The following OPCML variants were observed in gnomAD, a reference collection of about 807,000 sequenced individuals.
OPCML encodes the protein opioid-binding protein/cell adhesion molecule.
Under a neutral mutation model 37.8 loss-of-function variants are expected in OPCML, and 13 were observed. That is an observed-to-expected ratio of 0.34 (90% CI 0.22 to 0.55). The LOEUF is 0.55. Among genes scored for constraint, OPCML ranks in the 20% least tolerant of loss-of-function variants. OPCML has a pLI of 0.91. For missense variants in OPCML, 341 were observed against 435.6 expected (o/e 0.78, Z 1.93); for synonymous variants, 176 against 168.8 (o/e 1.04, Z -0.33).
chr11:133,003,433 G>A (rs914358526), intron 1 of OPCML, among the ~76,000 whole-genome samples: 2 of 152,108 alleles, frequency 1.3e-5, no homozygotes, highest in Non-Finnish European at 2.9e-5. Context: ...CATCTGTGCT[G>A]TAAAATACCT....
At chr11:132,661,220 C>G (rs977922786) in intron 2 of OPCML, among the ~76,000 whole-genome samples, 1 of 152,050 alleles carries the variant, frequency 6.6e-6, no homozygotes, top group Non-Finnish European at 1.5e-5. Context: ...TCCTTATGGG[C>G]CTGGAGTAGA....
At chr11:132,597,978 C>A (rs1464414652) in intron 3 of OPCML, among the ~76,000 whole-genome samples, 1 of 151,966 alleles carries the variant, frequency 6.6e-6, no homozygotes, top group African/African-American at 2.4e-5. Flanking sequence ...TTCCACTTTA[C>A]TCATTTCTTT....
chr11:132,962,616 A>C (rs1336446194), intron 1 of OPCML, among the ~76,000 whole-genome samples: 1 of 152,104 alleles, frequency 6.6e-6, no homozygotes, highest in African/African-American at 2.4e-5. Context: ...TATTTCTTCA[A>C]ACACACTCCC....
chr11:132,917,296 CT>C, intron 2 of OPCML, among the ~76,000 whole-genome samples: 1 of 152,260 alleles, frequency 6.6e-6, no homozygotes, highest in Middle Eastern at 3.4e-3. Context: ...TAGCTATGGC[CT>C]TTTTTTATCA....
chr11:133,133,112 G>A (rs532661908), intron 1 of OPCML, among the ~76,000 whole-genome samples: 3 of 152,246 alleles, frequency 2.0e-5, no homozygotes, highest in African/African-American at 7.2e-5. Flanking sequence ...AAAATTCTCT[G>A]CTTTGTTAGG....
chr11:133,090,150 T>C (rs572752647), intron 1 of OPCML, among the ~76,000 whole-genome samples: 1 of 152,118 alleles, frequency 6.6e-6, no homozygotes, highest in Non-Finnish European at 1.5e-5. Context: ...CCTTACTACT[T>C]AGACATGCTT....
At chr11:132,582,406 C>T (rs928815378) in intron 3 of OPCML, among the ~76,000 whole-genome samples, 11 of 152,038 alleles carry the variant, frequency 7.2e-5, no homozygotes, top group East Asian at 3.9e-4. Context: ...AAAATCAAAA[C>T]GCCCACATAG....
chr11:132,839,874 T>C (rs1941214192), intron 2 of OPCML, among the ~76,000 whole-genome samples: 1 of 152,204 alleles, frequency 6.6e-6, no homozygotes, highest in Admixed American at 6.5e-5. Context: ...GTCGACTGCC[T>C]GAGTGGAGGG....
chr11:133,173,011 A>G lies in OPCML; in HGVS notation c.62-230001T>C, dbSNP rs115540068. On this transcript the variant is annotated intron_variant, in intron 1 of 7. Coordinates refer to ENST00000524381, the MANE Select transcript of OPCML (RefSeq NM_001012393.5). The surrounding 1 kb of genome is among the most constrained non-coding windows in gnomAD (Gnocchi z 7.8). ...AACACTTAAAGTTGAATTTTTATGA[A>G]AAGTTACATGGCTTAATAATCAAAC... Among the ~76,000 whole-genome samples the G allele has an allele frequency of 6.6e-6, 1 of 152,218 alleles. No homozygotes were observed. The highest frequency in any genetic ancestry group is 1.5e-5 in the Non-Finnish European group (1 of 68,048).
intron 3 of OPCML, among the ~76,000 whole-genome samples, chr11:132,592,178 G>A (rs2096485548): frequency 6.6e-6 from 1 of 152,206 alleles, no homozygotes; most frequent in African/African-American, 2.4e-5. Flanking sequence ...GTCTAAGTGA[G>A]GAATATTTTC....
chr11:133,483,635 G>C (rs1204158279), intron 1 of OPCML, among the ~76,000 whole-genome samples: 2 of 150,714 alleles, frequency 1.3e-5, no homozygotes, highest in Non-Finnish European at 3.0e-5. Context: ...TAGATATATA[G>C]ATAATAGATT....
intron 3 of OPCML, among the ~76,000 whole-genome samples, chr11:132,558,009 A>G (rs7103400): frequency 0.59 from 79,685 of 135,936 alleles, 21,510 homozygotes; most frequent in African/African-American, 0.7. Flanking sequence ...ACATACACAC[A>G]CGGTGTTACT....
chr11:132,901,353 G>C (rs1218118683), intron 2 of OPCML, among the ~76,000 whole-genome samples: 1 of 152,110 alleles, frequency 6.6e-6, no homozygotes, highest in Non-Finnish European at 1.5e-5. Flanking sequence ...GAACAACACA[G>C]TGTCCTTTTA....
chr11:132,776,259 A>C (rs1035847371), intron 2 of OPCML, among the ~76,000 whole-genome samples: 12 of 152,188 alleles, frequency 7.9e-5, no homozygotes, highest in Non-Finnish European at 1.5e-4. Flanking sequence ...AACATCACCC[A>C]TGGTGGTTTT....
At chr11:132,961,604 G>A in intron 1 of OPCML, among the ~76,000 whole-genome samples, 1 of 152,172 alleles carries the variant, frequency 6.6e-6, no homozygotes, top group Non-Finnish European at 1.5e-5. Flanking sequence ...AGGCCCACAG[G>A]GCCGGGCTAA....
At chr11:132,433,662 G>A (rs1182453981) in intron 7 of OPCML, among the ~76,000 whole-genome samples, 1 of 152,148 alleles carries the variant, frequency 6.6e-6, no homozygotes, top group Non-Finnish European at 1.5e-5. Context: ...GGCACCTATA[G>A]GGAAGTAATT....
At chr11:133,052,348 A>AT (rs999191836) in intron 1 of OPCML, among the ~76,000 whole-genome samples, 2 of 152,174 alleles carry the variant, frequency 1.3e-5, no homozygotes, top group Admixed American at 1.3e-4. Flanking sequence ...CAATAAACAT[A>AT]TTTTTTAACC....
chr11:132,891,599 C>A (rs764475147), intron 2 of OPCML, among the ~76,000 whole-genome samples: 1 of 152,038 alleles, frequency 6.6e-6, no homozygotes, highest in Admixed American at 6.5e-5. Context: ...AGAATATCAA[C>A]GCCATGAGAG....
chr11:132,738,394 C>A (rs1423135408), intron 2 of OPCML, among the ~76,000 whole-genome samples: 1 of 152,186 alleles, frequency 6.6e-6, no homozygotes, highest in African/African-American at 2.4e-5. Context: ...AAATACCCTC[C>A]CTGCTTCACT....
Sources: allele counts gnomAD v4.1 joint callset (sites outside exome capture counted in the v4.1 genomes callset), GRCh38; gene constraint gnomAD v4.1.1; non-coding constraint Gnocchi (gnomAD v3.1); transcripts MANE v1.5; gene names NCBI Gene and HGNC (gene_info 2026-07-23, HGNC 2026-07-21).